Variants in TMEM94 observed in about 807,000 individuals in gnomAD.
TMEM94 encodes ER Mg2+ ATPase.
Under a neutral mutation model 158.6 loss-of-function variants are expected in TMEM94, and 81 were observed. The observed-to-expected ratio is 0.51, with a 90% confidence interval of 0.43 to 0.61. The LOEUF is 0.61. Among genes scored for constraint, TMEM94 ranks in the 20% least tolerant of loss-of-function variants. TMEM94 has a pLI of 0.00. For missense variants in TMEM94, 1,435 were observed against 1,762.0 expected (o/e 0.81, Z 3.32); for synonymous variants, 751 against 730.7 (o/e 1.03, Z -0.45).
rs1421747987 is a variant in TMEM94, at chr17:75,456,642, G to A, written c.-216G>A. The A allele has an allele frequency of 2.0e-5, 3 of 152,360 alleles. No individual in the cohort carries two copies. Among genetic ancestry groups the A allele is most frequent in the Non-Finnish European group, 4.4e-5 (3 of 68,136 alleles). 9.4% of individuals were successfully genotyped at this position (152,360 alleles called of 1,614,324 possible). On this transcript the variant is annotated 5_prime_UTR_variant, in exon 1 of 32. Coordinates refer to ENST00000314256, the MANE Select transcript of TMEM94 (RefSeq NM_014738.6). ...CCCGGAAGGGAGGCAAGCCCCCTTA[G>A]AGTTGCCAGTAACGGACATGGCTGC...
intron 2 of TMEM94, among the ~76,000 whole-genome samples, chr17:75,474,238 C>T (rs2050593735): frequency 6.6e-6 from 1 of 151,770 alleles, no homozygotes; most frequent in Non-Finnish European, 1.5e-5. Context: ...GGTGCAGTGG[C>T]TCACACCTGT....
chr17:75,461,386 C>T (rs2050063579), intron 1 of TMEM94, among the ~76,000 whole-genome samples: 1 of 152,070 alleles, frequency 6.6e-6, no homozygotes, highest in South Asian at 2.1e-4. Context: ...AGGCATGAGC[C>T]ACCGTGTCCA....
At chr17:75,467,262 A>G (rs2050337997) in intron 1 of TMEM94, among the ~76,000 whole-genome samples, 1 of 151,988 alleles carries the variant, frequency 6.6e-6, no homozygotes, top group Non-Finnish European at 1.5e-5. Context: ...GGTGTGAGCC[A>G]CCGTACCCAG....
At position 75,493,803 on chromosome 17, in the gene TMEM94, A is replaced by C; in HGVS notation, c.2294A>C (p.Lys765Thr). 4 of 1,613,934 alleles carry C rather than the reference A, an allele frequency of 2.5e-6. No individual in the cohort carries two copies. Among genetic ancestry groups the C allele is most frequent in the Non-Finnish European group, 3.4e-6 (4 of 1,180,000 alleles). The stretch of plus-strand genomic sequence containing the variant: ...GCCCTGTCCTCTCAGCTCAATGGCA[A>C]GTGCATCGAGCTGGTACAGGTGCCC... ...NCALSSQLNG[K>T]CIELVQVPGQ... is the part of the protein sequence containing the mutation. The change falls in exon 18 of 32, where the codon AAG becomes ACG. Residue 765 changes from lysine (K) to threonine (T), a missense_variant. Around this residue, in one of 3 missense-constraint regions of TMEM94, gnomAD observed 1,051 missense variants for 1,254.4 expected, o/e 0.84. Coordinates refer to ENST00000314256, the MANE Select transcript of TMEM94 (RefSeq NM_014738.6).
At chr17:75,468,126 G>A (rs963320420) in intron 1 of TMEM94, among the ~76,000 whole-genome samples, 2 of 152,152 alleles carry the variant, frequency 1.3e-5, no homozygotes, top group Non-Finnish European at 2.9e-5. Context: ...ATTTGAACCC[G>A]GGGATATTTG....
At chr17:75,463,178 G>GTGTGTGTATATATATATATATA (rs1180723796) in intron 1 of TMEM94, among the ~76,000 whole-genome samples, 1 of 15,058 alleles carries the variant, frequency 6.6e-5, no homozygotes, top group African/African-American at 1.7e-4. Context: ...GTGTGTGTGT[G>GTGTGTGTATATATATATATATA]TATATATATA....
intron 2 of TMEM94, among the ~76,000 whole-genome samples, chr17:75,479,422 C>T (rs2050977094): frequency 1.3e-5 from 2 of 152,078 alleles, no homozygotes; most frequent in African/African-American, 4.8e-5. Context: ...TGGGTTCAAG[C>T]GATTCCCCTG....
Position 75,465,604 on chromosome 17 carries a change from TG to T in TMEM94, c.-106-6195del, listed in dbSNP as rs559374033. 1.2e-3 allele frequency among the ~76,000 whole-genome samples: 176 copies of T among 148,916 alleles called. 1 individual carries two copies. The highest frequency in any genetic ancestry group is 4.1e-3 in the African/African-American group (161 of 39,732). On this transcript the variant is annotated intron_variant, in intron 1 of 31. Coordinates refer to ENST00000314256, the MANE Select transcript of TMEM94 (RefSeq NM_014738.6). The stretch of plus-strand genomic sequence containing the variant: ...TGCCAACATGCCTGGCTGAAATCTT[TG>T]CTCATTTTAAAATTGGGTTGTTGGT...
chr17:75,471,951 T>C, intron 2 of TMEM94, 22 bp downstream of exon 2: 1 of 1,609,256 alleles, frequency 6.2e-7, no homozygotes, highest in South Asian at 1.1e-5. Flanking sequence ...CCTATTACCT[T>C]ATAGGTATTG....
intron 7 of TMEM94, 79 bp downstream of exon 7, chr17:75,488,989 C>T (rs965742231): frequency 1.4e-6 from 2 of 1,455,968 alleles, no homozygotes; most frequent in South Asian, 1.4e-5. Context: ...GAAGGGGCCC[C>T]GTTCATCTCG....
chr17:75,464,587 T>C (rs2050216983), intron 1 of TMEM94, among the ~76,000 whole-genome samples: 1 of 39,070 alleles, frequency 2.6e-5, no homozygotes, highest in Non-Finnish European at 6.7e-5. Flanking sequence ...ATTTTTTCAT[T>C]TTCTTTCTTT....
intron 1 of TMEM94, among the ~76,000 whole-genome samples, chr17:75,463,178 G>GTA (rs749164900): frequency 0.015 from 221 of 15,072 alleles, 26 homozygotes; most frequent in East Asian, 0.026. Context: ...GTGTGTGTGT[G>GTA]TATATATATA....
rs914890310 is a variant in TMEM94, at chr17:75,491,026, G to T, written c.1129-23G>T. 11 of 1,572,076 alleles carry T rather than the reference G, an allele frequency of 7.0e-6. No individual in the cohort carries two copies. The East Asian group carries it at 2.5e-4, about 35-fold the overall frequency. On this transcript the variant is annotated intron_variant, in intron 11 of 31. Coordinates refer to ENST00000314256, the MANE Select transcript of TMEM94 (RefSeq NM_014738.6). The surrounding 1 kb of genome is among the most constrained non-coding windows in gnomAD (Gnocchi z 5.1). ...ATGAGGCTGAGCCCTAAATGGCCTT[G>T]CAGACTTCCTCTCTCCCACCAGGAA...
chr17:75,472,054 G>C, intron 2 of TMEM94, 125 bp downstream of exon 2: 1 of 909,306 alleles, frequency 1.1e-6, no homozygotes, highest in East Asian at 2.5e-5. Flanking sequence ...AGGAGGCAAG[G>C]CTCTGAGTCT....
At chr17:75,490,116 CCT>C in intron 9 of TMEM94, 116 bp from the exon 10 acceptor site, 2 of 1,431,270 alleles carry the variant, frequency 1.4e-6, no homozygotes, top group South Asian at 2.7e-5. Flanking sequence ...CCTTCCTGCC[CCT>C]GAGAGAGCTG....
rs114503307 is a variant in TMEM94 at position 75,463,774 on chromosome 17, C to T, written c.-107+7023C>T. On this transcript the variant is annotated intron_variant, in intron 1 of 31. Coordinates refer to ENST00000314256, the MANE Select transcript of TMEM94 (RefSeq NM_014738.6). ...CTTCTTGGATTTTGACTTTGATCTC[C>T]TTTCCAGGTTTATGCTATCCAAGAA... is the stretch of plus-strand genomic sequence containing the variant. Among the ~76,000 whole-genome samples, 159 of 152,276 alleles carry T rather than the reference C, an allele frequency of 1.0e-3. 1 individual carries two copies. The highest frequency in any genetic ancestry group is 3.5e-3 in the African/African-American group (144 of 41,556).
At chr17:75,488,615 A>C in intron 6 of TMEM94, 144 bp from the exon 7 acceptor site, 1 of 907,290 alleles carries the variant, frequency 1.1e-6, no homozygotes, top group South Asian at 1.6e-5. Flanking sequence ...CTAAAAGTCT[A>C]GTCCCACAGG....
intron 1 of TMEM94, among the ~76,000 whole-genome samples, chr17:75,465,679 A>ATATATATATATTTTT (rs1247855961): frequency 1.4e-4 from 17 of 124,816 alleles, no homozygotes; most frequent in Admixed American, 6.6e-4. Flanking sequence ...ATATATATAT[A>ATATATATATATTTTT]TTTTTTTTTA....
intron 1 of TMEM94, among the ~76,000 whole-genome samples, chr17:75,470,187 G>A (rs1450155960): frequency 6.6e-6 from 1 of 152,146 alleles, no homozygotes; most frequent in African/African-American, 2.4e-5. Context: ...TTGAGGCTGG[G>A]CACAGTGATT....
Sources: gnomAD v4.1 joint callset for allele counts (sites outside exome capture counted in the v4.1 genomes callset) on GRCh38, gnomAD v4.1.1 for gene constraint, gnomAD v4.1.1 regional missense constraint, Gnocchi (gnomAD v3.1) non-coding constraint, MANE v1.5 for transcripts, NCBI Gene and HGNC (gene_info 2026-07-23, HGNC 2026-07-21) for gene names.